The following SPRYD4 variants were observed in gnomAD, a reference collection of about 807,000 sequenced individuals.
The protein encoded by SPRYD4 is SPRY domain-containing protein 4.
SPRYD4 carries 12 observed loss-of-function variants against 16.6 expected under a neutral mutation model. The ratio of observed to expected loss-of-function variants is 0.72; its 90% CI spans 0.46 to 1.17. SPRYD4 has a LOEUF of 1.17. Among genes scored for constraint, SPRYD4 ranks in the 50% most tolerant of loss-of-function variants. The pLI, the probability that SPRYD4 is intolerant of heterozygous loss-of-function variation, is 0.00. For missense variants in SPRYD4, 260 were observed against 260.2 expected (o/e 1.00, Z 0.00); for synonymous variants, 98 against 105.4 (o/e 0.93, Z 0.43).
In SPRYD4 at chr12:56,475,332, T is replaced by A; in HGVS notation, c.*5755T>A. ...CCCAAACCAAACACCCCAAACTGTC[T>A]AGTCATCTAGGAAAACTGGTGAAGT... On this transcript the variant is annotated 3_prime_UTR_variant, in exon 2 of 2. Transcript: ENST00000338146. 1 of 1,209,156 alleles carries A rather than the reference T, an allele frequency of 8.3e-7. No homozygotes were observed. The highest frequency in any genetic ancestry group is 1.1e-6 in the Non-Finnish European group (1 of 886,952). The allele number at this position is 1,209,156 out of a possible 1,614,324, so 74.9% of individuals were successfully genotyped here. A position where few individuals can be genotyped will look rare whatever the true frequency, so the allele number is the denominator to read the frequency against.
In SPRYD4 at chr12:56,477,732, AAC is replaced by A. The variant is rs1336043733; in HGVS notation, c.*8156_*8157del. ...TATGGGGGATTCCTGGGGAAATACA[AAC>A]CACCAAGAGTCTTAGCCACTGAACA... is the stretch of plus-strand genomic sequence containing the variant. On this transcript the variant is annotated 3_prime_UTR_variant, in exon 2 of 2. Transcript: ENST00000338146. 1 of 1,609,280 alleles carries A rather than the reference AAC, an allele frequency of 6.2e-7. No homozygotes were observed. Among genetic ancestry groups the A allele is most frequent in the Non-Finnish European group, 8.5e-7 (1 of 1,177,800 alleles).
At position 56,475,470 on chromosome 12, in the gene SPRYD4, G is replaced by T; in HGVS notation, c.*5893G>T. The T allele has an allele frequency of 1.3e-6, 1 of 755,950 alleles. No homozygotes were observed. Among genetic ancestry groups the T allele is most frequent in the Non-Finnish European group, 2.1e-6 (1 of 466,618 alleles). The allele number at this position is 755,950 out of a possible 1,614,324, so 46.8% of individuals were successfully genotyped here. A position where few individuals can be genotyped will look rare whatever the true frequency, so the allele number is the denominator to read the frequency against. ...AAATTATTTTACAAGATAAACAAAT[G>T]TTTATGAAGGGACTCAGAGGAAGCT... On this transcript the variant is annotated 3_prime_UTR_variant, in exon 2 of 2. Transcript: ENST00000338146.
rs1197141057 is a variant in SPRYD4, at chr12:56,474,186, A to G, written c.*4609A>G. 3.7e-6 allele frequency: 1 copy of G among 271,396 alleles called. No individual in the cohort carries two copies. Among genetic ancestry groups the G allele is most frequent in the East Asian group, 1.1e-4 (1 of 8,842 alleles). The allele number at this position is 271,396 out of a possible 1,614,324, so 16.8% of individuals were successfully genotyped here. On this transcript the variant is annotated 3_prime_UTR_variant, in exon 2 of 2. Coordinates refer to ENST00000338146, the MANE Select transcript of SPRYD4 (RefSeq NM_207344.4). ...CGGCTCAGTGCAACCTCTGCCTCCC[A>G]GGTTCAAGCACTTCTGCCTCAGCCT...
chr12:56,469,439 G>C lies in SPRYD4; in HGVS notation c.486G>C (p.Leu162=), dbSNP rs1869143945. ...TGCTGGAGTATGAGGCCCAGAAGCTGAGCCTGGTGGATGTGAGCCAGGTCT... is the reference window on the plus strand; with the variant it reads ...TGCTGGAGTATGAGGCCCAGAAGCTCAGCCTGGTGGATGTGAGCCAGGTCT... The part of the protein sequence containing the change: ...GLLLEYEAQK[L]SLVDVSQVSV... Residue 162 remains leucine (L), a synonymous_variant, in exon 2 of 2, where the codon CTG becomes CTC. Transcript: ENST00000338146. The C allele has an allele frequency of 6.2e-7, 1 of 1,613,980 alleles. No individual in the cohort carries two copies. The highest frequency in any genetic ancestry group is 1.3e-5 in the African/African-American group (1 of 74,894).
Position 56,470,005 on chromosome 12 carries a change from T to G in SPRYD4, c.*428T>G. On this transcript the variant is annotated 3_prime_UTR_variant, in exon 2 of 2. Transcript: ENST00000338146. ...CCAGATGGCTGAAGAGTAAATCCTT[T>G]CTACCTCTGGCTGAAGGAGTGGTGC... The G allele has an allele frequency of 5.8e-6, 1 of 171,570 alleles. No individual in the cohort carries two copies. The highest frequency in any genetic ancestry group is 1.4e-4 in the South Asian group (1 of 7,200). 10.6% of individuals were successfully genotyped at this position (171,570 alleles called of 1,614,324 possible). A position where few individuals can be genotyped will look rare whatever the true frequency, so the allele number is the denominator to read the frequency against.
At position 56,471,361 on chromosome 12, in the gene SPRYD4, G is replaced by T; in HGVS notation, c.*1784G>T. On this transcript the variant is annotated 3_prime_UTR_variant, in exon 2 of 2. Coordinates refer to ENST00000338146, the MANE Select transcript of SPRYD4 (RefSeq NM_207344.4). ...ACTCCCATAGAAAGCACTAGCCTAA[G>T]TCACCAAATGACTGCTTGGTCCCCA... 1 of 1,040,150 alleles carries T rather than the reference G, an allele frequency of 9.6e-7. No individual in the cohort carries two copies. Among genetic ancestry groups the T allele is most frequent in the Non-Finnish European group, 1.4e-6 (1 of 734,166 alleles). The allele number at this position is 1,040,150 out of a possible 1,614,324, so 64.4% of individuals were successfully genotyped here.
chr12:56,471,734 G>A lies in SPRYD4; in HGVS notation c.*2157G>A. Reference sequence around the variant, plus strand: ...TGGTGGCTGGAGGGTAGGTGGAGAAGCTGTGCCCACCCTCCTCCACTTTTA... The same window carrying A: ...TGGTGGCTGGAGGGTAGGTGGAGAAACTGTGCCCACCCTCCTCCACTTTTA... On this transcript the variant is annotated 3_prime_UTR_variant, in exon 2 of 2. Coordinates refer to ENST00000338146, the MANE Select transcript of SPRYD4 (RefSeq NM_207344.4). 1.9e-6 allele frequency: 3 copies of A among 1,612,230 alleles called. No individual in the cohort carries two copies. The highest frequency in any genetic ancestry group is 2.2e-5 in the East Asian group (1 of 44,876).
In SPRYD4 at chr12:56,471,958, C is replaced by G. The variant is rs1166298308; in HGVS notation, c.*2381C>G. The G allele has an allele frequency of 9.4e-6, 12 of 1,278,522 alleles. No homozygotes were observed. Among genetic ancestry groups the G allele is most frequent in the African/African-American group, 1.5e-5 (1 of 68,082 alleles). 79.2% of individuals were successfully genotyped at this position (1,278,522 alleles called of 1,614,324 possible). Reference sequence around the variant, plus strand: ...AAAAGGCCTCTTCCCATTTTGTACCCTGCAGCACTCAGTCATAGTCTAGCT... The same window carrying G: ...AAAAGGCCTCTTCCCATTTTGTACCGTGCAGCACTCAGTCATAGTCTAGCT... On this transcript the variant is annotated 3_prime_UTR_variant, in exon 2 of 2. Transcript: ENST00000338146.
At position 56,474,781 on chromosome 12, in the gene SPRYD4, TAGGG is replaced by T; in HGVS notation, c.*5206_*5209del. The T allele has an allele frequency of 1.2e-6, 2 of 1,612,588 alleles. No individual in the cohort carries two copies. Among genetic ancestry groups the T allele is most frequent in the South Asian group, 2.2e-5 (2 of 91,008 alleles). ...AACCTGCACATGGGACCCTCGGGTG[TAGGG>T]AAAGGGCAAGGGCAAGGACAGTCTG... On this transcript the variant is annotated 3_prime_UTR_variant, in exon 2 of 2. Coordinates refer to ENST00000338146, the MANE Select transcript of SPRYD4 (RefSeq NM_207344.4).
rs1565699916 is a variant in SPRYD4 at position 56,471,356 on chromosome 12, C to T, written c.*1779C>T. 2 of 993,120 alleles carry T rather than the reference C, an allele frequency of 2.0e-6. No homozygotes were observed. Among genetic ancestry groups the T allele is most frequent in the South Asian group, 1.7e-5 (1 of 58,112 alleles). The allele number at this position is 993,120 out of a possible 1,614,324, so 61.5% of individuals were successfully genotyped here. A position where few individuals can be genotyped will look rare whatever the true frequency, so the allele number is the denominator to read the frequency against. On this transcript the variant is annotated 3_prime_UTR_variant, in exon 2 of 2. Transcript: ENST00000338146. ...TTTTGACTCCCATAGAAAGCACTAGCCTAAGTCACCAAATGACTGCTTGGT... is the reference window on the plus strand; with the variant it reads ...TTTTGACTCCCATAGAAAGCACTAGTCTAAGTCACCAAATGACTGCTTGGT...
chr12:56,479,293 C>CAAAGGT lies in SPRYD4; in HGVS notation c.*9718_*9719insAGGTAA, dbSNP rs1870095640. 15 of 1,365,874 alleles carry CAAAGGT rather than the reference C, an allele frequency of 1.1e-5. No homozygotes were observed. Among genetic ancestry groups the CAAAGGT allele is most frequent in the Admixed American group, 2.4e-5 (1 of 41,272 alleles). 84.6% of individuals were successfully genotyped at this position (1,365,874 alleles called of 1,614,324 possible). A position where few individuals can be genotyped will look rare whatever the true frequency, so the allele number is the denominator to read the frequency against. On this transcript the variant is annotated 3_prime_UTR_variant, in exon 2 of 2. Coordinates refer to ENST00000338146, the MANE Select transcript of SPRYD4 (RefSeq NM_207344.4). Reference sequence around the variant, plus strand: ...GTTGAGTGGTCTTCAGGTTTGGGATCAACAGCTCTGTTACCTTTGGCAAAT... The same window carrying CAAAGGT: ...GTTGAGTGGTCTTCAGGTTTGGGATCAAAGGTAACAGCTCTGTTACCTTTGGCAAAT...
Position 56,471,374 on chromosome 12 carries a change from T to C in SPRYD4, c.*1797T>C. 1 of 1,160,238 alleles carries C rather than the reference T, an allele frequency of 8.6e-7. No homozygotes were observed. Among genetic ancestry groups the C allele is most frequent in the Non-Finnish European group, 1.2e-6 (1 of 839,710 alleles). 71.9% of individuals were successfully genotyped at this position (1,160,238 alleles called of 1,614,324 possible). On this transcript the variant is annotated 3_prime_UTR_variant, in exon 2 of 2. Transcript: ENST00000338146. ...GCACTAGCCTAAGTCACCAAATGAC[T>C]GCTTGGTCCCCACTGAAGCAGTGTA... is the stretch of plus-strand genomic sequence containing the variant.
At position 56,475,253 on chromosome 12, in the gene SPRYD4, G is replaced by A; in HGVS notation, c.*5676G>A. On this transcript the variant is annotated 3_prime_UTR_variant, in exon 2 of 2. Transcript: ENST00000338146. ...TTTATAACTTCTCACAGTAATATTAGAGGAAATTTCTGAACCTGAGCAAAC... is the reference window on the plus strand; with the variant it reads ...TTTATAACTTCTCACAGTAATATTAAAGGAAATTTCTGAACCTGAGCAAAC... The A allele has an allele frequency of 4.5e-6, 7 of 1,571,148 alleles. No homozygotes were observed. Among genetic ancestry groups the A allele is most frequent in the South Asian group, 2.3e-5 (2 of 87,922 alleles).
chr12:56,477,589 C>T lies in SPRYD4; in HGVS notation c.*8012C>T. Reference sequence around the variant, plus strand: ...CCACCAGTCTCCCTGGAGAGCTGAACAAATATGAGGGATACAGGAACACAG... The same window carrying T: ...CCACCAGTCTCCCTGGAGAGCTGAATAAATATGAGGGATACAGGAACACAG... On this transcript the variant is annotated 3_prime_UTR_variant, in exon 2 of 2. Transcript: ENST00000338146. The T allele has an allele frequency of 2.0e-6, 3 of 1,479,772 alleles. No individual in the cohort carries two copies. The highest frequency in any genetic ancestry group is 2.4e-5 in the South Asian group (2 of 82,720). The allele number at this position is 1,479,772 out of a possible 1,614,324, so 91.7% of individuals were successfully genotyped here. A position where few individuals can be genotyped will look rare whatever the true frequency, so the allele number is the denominator to read the frequency against.
rs890474051 is a variant in SPRYD4, at chr12:56,475,433, T to C, written c.*5856T>C. The C allele has an allele frequency of 3.1e-5, 22 of 711,738 alleles. 1 individual carries two copies. The Admixed American group carries it at 3.5e-4, about 11-fold the overall frequency. 44.1% of individuals were successfully genotyped at this position (711,738 alleles called of 1,614,324 possible). ...ACTGCCTCTCTCATTATGTACTAAT[T>C]AGAAATGGAACAAATTATTTTACAA... On this transcript the variant is annotated 3_prime_UTR_variant, in exon 2 of 2. Coordinates refer to ENST00000338146, the MANE Select transcript of SPRYD4 (RefSeq NM_207344.4).
At position 56,473,313 on chromosome 12, in the gene SPRYD4, A is replaced by G; in HGVS notation, c.*3736A>G. Reference sequence around the variant, plus strand: ...ATAGTTGTGGAAATTGAAGAGAGACACCAACTTCTAGAATTGTAAGCCAAA... The same window carrying G: ...ATAGTTGTGGAAATTGAAGAGAGACGCCAACTTCTAGAATTGTAAGCCAAA... On this transcript the variant is annotated 3_prime_UTR_variant, in exon 2 of 2. Coordinates refer to ENST00000338146, the MANE Select transcript of SPRYD4 (RefSeq NM_207344.4). The G allele has an allele frequency of 6.2e-7, 1 of 1,614,218 alleles. No individual in the cohort carries two copies. The highest frequency in any genetic ancestry group is 2.2e-5 in the East Asian group (1 of 44,890).
In SPRYD4 at chr12:56,475,325, A is replaced by G; in HGVS notation, c.*5748A>G. The G allele has an allele frequency of 8.0e-7, 1 of 1,250,036 alleles. No individual in the cohort carries two copies. The highest frequency in any genetic ancestry group is 2.5e-5 in the East Asian group (1 of 39,402). The allele number at this position is 1,250,036 out of a possible 1,614,324, so 77.4% of individuals were successfully genotyped here. A position where few individuals can be genotyped will look rare whatever the true frequency, so the allele number is the denominator to read the frequency against. ...AAGTAAACCCAAACCAAACACCCCA[A>G]ACTGTCTAGTCATCTAGGAAAACTG... On this transcript the variant is annotated 3_prime_UTR_variant, in exon 2 of 2. Transcript: ENST00000338146.
Position 56,474,734 on chromosome 12 carries a change from G to C in SPRYD4, c.*5157G>C, listed in dbSNP as rs369561441. ...CACAGAACACAGCTATGAAAACAAA[G>C]AATAGGTGAAGATGTGACGTGAACC... On this transcript the variant is annotated 3_prime_UTR_variant, in exon 2 of 2. Transcript: ENST00000338146. 50 of 1,608,510 alleles carry C rather than the reference G, an allele frequency of 3.1e-5. No homozygotes were observed. Among genetic ancestry groups the C allele is most frequent in the Non-Finnish European group, 3.9e-5 (46 of 1,176,436 alleles).
In SPRYD4 at chr12:56,471,707, C is replaced by T. The variant is rs925038346; in HGVS notation, c.*2130C>T. The T allele has an allele frequency of 5.6e-6, 9 of 1,611,790 alleles. No individual in the cohort carries two copies. The African/African-American group carries it at 1.1e-4, about 19-fold the overall frequency. On this transcript the variant is annotated 3_prime_UTR_variant, in exon 2 of 2. Coordinates refer to ENST00000338146, the MANE Select transcript of SPRYD4 (RefSeq NM_207344.4). ...GGAGAGTGGTGGTTGTATATATTTG[C>T]ATGGTGGCTGGAGGGTAGGTGGAGA...
Sources: allele counts gnomAD v4.1 joint callset, GRCh38; gene constraint gnomAD v4.1.1; transcripts MANE v1.5; gene names NCBI Gene and HGNC (gene_info 2026-07-23, HGNC 2026-07-21).